Variants in CTNNA2 observed in about 807,000 individuals in gnomAD.
CTNNA2 encodes the protein catenin alpha 2, also known as catenin alpha-2.
In CTNNA2, 42 loss-of-function variants were observed where a neutral mutation model predicts 101.0. That is an observed-to-expected ratio of 0.42 (90% CI 0.32 to 0.54). CTNNA2 has a LOEUF of 0.54. CTNNA2 is among the 20% of genes least tolerant of loss of function. The pLI is 0.14. For synonymous variants in CTNNA2, 450 were observed against 456.4 expected, an observed-to-expected ratio of 0.99 and a Z score of 0.18; for missense variants, 871 against 1,223.1, an observed-to-expected ratio of 0.71 and a Z score of 4.29.
At chr2:80,380,305 G>C (rs906102190) in intron 7 of CTNNA2, among the ~76,000 whole-genome samples, 5 of 152,044 alleles carry the variant, frequency 3.3e-5, no homozygotes, top group African/African-American at 1.2e-4. Context: ...CAAAGTGCTG[G>C]GATTACAGGC....
At chr2:79,263,703 G>C (rs1392994712) in intron 2 of CTNNA2, among the ~76,000 whole-genome samples, 1 of 152,092 alleles carries the variant, frequency 6.6e-6, no homozygotes, top group African/African-American at 2.4e-5. Context: ...ATTACCACAA[G>C]AGTGGGAGTA....
Position 79,973,242 on chromosome 2 carries a change from A to G in CTNNA2, c.1056+63445A>G, listed in dbSNP as rs570696450. ...TTTTTCCCTATTCTAATCAAAATCA[A>G]TGGCTGATGTTAGCACGTTTTTCAT... On this transcript the variant is annotated intron_variant, in intron 7 of 18. Transcript: ENST00000402739. Among the ~76,000 whole-genome samples the G allele has an allele frequency of 3.9e-5, 6 of 152,248 alleles. No individual in the cohort carries two copies. In the East Asian group the frequency reaches 9.7e-4, roughly 25 times the overall value.
intron 1 of CTNNA2, among the ~76,000 whole-genome samples, chr2:79,586,160 G>A (rs1179131201): frequency 2.0e-5 from 3 of 152,096 alleles, no homozygotes; most frequent in African/African-American, 4.8e-5. Flanking sequence ...TGCACCGGGT[G>A]CTGAACACTC....
At chr2:79,396,558 C>G (rs1420713237) in intron 4 of CTNNA2, among the ~76,000 whole-genome samples, 1 of 152,154 alleles carries the variant, frequency 6.6e-6, no homozygotes, top group Non-Finnish European at 1.5e-5. Context: ...TTAGGTTCGA[C>G]TGTCTTCCAA....
intron 16 of CTNNA2, among the ~76,000 whole-genome samples, chr2:80,606,143 G>A (rs901118729): frequency 1.3e-5 from 2 of 151,790 alleles, no homozygotes; most frequent in African/African-American, 4.8e-5. Context: ...CCACCAATTT[G>A]TTAGGAAGGA....
intron 6 of CTNNA2, among the ~76,000 whole-genome samples, chr2:79,897,418 A>G (rs1684794445): frequency 6.6e-6 from 1 of 152,160 alleles, no homozygotes; most frequent in Non-Finnish European, 1.5e-5. Context: ...TGGACTGACC[A>G]TGGAAATATA....
chr2:79,414,052 G>A (rs1678449732), intron 4 of CTNNA2, among the ~76,000 whole-genome samples: 1 of 149,874 alleles, frequency 6.7e-6, no homozygotes. Context: ...TTTTTTTAGA[G>A]TTGATAACAT....
chr2:79,243,974 G>C (rs1674666249), intron 2 of CTNNA2, among the ~76,000 whole-genome samples: 1 of 152,078 alleles, frequency 6.6e-6, no homozygotes, highest in East Asian at 1.9e-4. Flanking sequence ...TTTTCAGAAA[G>C]CAGGGTCTGA....
At chr2:80,275,540 T>C (rs927916670) in intron 7 of CTNNA2, among the ~76,000 whole-genome samples, 2 of 152,278 alleles carry the variant, frequency 1.3e-5, no homozygotes, top group Admixed American at 6.5e-5. Flanking sequence ...AGAATCCTTC[T>C]GGTAGTCACT....
At chr2:80,155,746 T>C (rs188172695) in intron 7 of CTNNA2, among the ~76,000 whole-genome samples, 1 of 152,306 alleles carries the variant, frequency 6.6e-6, no homozygotes, top group East Asian at 1.9e-4. Flanking sequence ...TGTGTTCCCT[T>C]GGGCTATTTT....
chr2:79,993,511 A>G (rs996427064), intron 7 of CTNNA2, among the ~76,000 whole-genome samples: 4 of 152,242 alleles, frequency 2.6e-5, no homozygotes, highest in African/African-American at 9.6e-5. Flanking sequence ...ATACAGTCAC[A>G]TGAAGAAGTG....
chr2:79,877,727 T>C (rs1370247049), intron 6 of CTNNA2, among the ~76,000 whole-genome samples: 4 of 152,194 alleles, frequency 2.6e-5, no homozygotes, highest in Non-Finnish European at 5.9e-5. Context: ...AATACCTTTC[T>C]CATATAGTGA....
chr2:80,050,018 C>G (rs1223416012), intron 7 of CTNNA2, among the ~76,000 whole-genome samples: 1 of 152,098 alleles, frequency 6.6e-6, no homozygotes, highest in African/African-American at 2.4e-5. Flanking sequence ...CGTGCCCTCT[C>G]CTTCCTCTTC....
chr2:79,771,246 G>GTGGTTC (rs1673551777), intron 3 of CTNNA2, among the ~76,000 whole-genome samples: 1 of 152,148 alleles, frequency 6.6e-6, no homozygotes, highest in Non-Finnish European at 1.5e-5. Flanking sequence ...TCATTAAGCT[G>GTGGTTC]ATAGTCGAAC....
intron 6 of CTNNA2, among the ~76,000 whole-genome samples, chr2:79,877,852 A>C (rs540034132): frequency 1.3e-5 from 2 of 152,220 alleles, no homozygotes; most frequent in African/African-American, 4.8e-5. Flanking sequence ...TTTTTTAAAA[A>C]TTTTACTTTA....
rs1572982392 is a variant in CTNNA2, at chr2:79,214,816, AG to A, written c.-406+16741del. ...TAAGGGAACTGGGCAGGTGGGGATA[AG>A]TAAAAAAGAGTGCATAAAAGTATTG... On this transcript the variant is annotated intron_variant, in intron 2 of 21. Coordinates refer to the CTNNA2 transcript ENST00000466387. 2.0e-5 allele frequency among the ~76,000 whole-genome samples: 3 copies of A among 151,840 alleles called. No homozygotes were observed. In the East Asian group the frequency reaches 6.0e-4, roughly 30 times the overall value.
intron 7 of CTNNA2, among the ~76,000 whole-genome samples, chr2:80,248,197 TG>T (rs1671483094): frequency 6.6e-6 from 1 of 152,158 alleles, no homozygotes; most frequent in Admixed American, 6.5e-5. Context: ...CTTTTATGCC[TG>T]GCCTACTGAG....
At position 79,845,730 on chromosome 2, in the gene CTNNA2, G is replaced by T. The variant is rs76458718; in HGVS notation, c.299-12283G>T. ...CACATTTTGGCAGTTTGTCATATTG[G>T]ATTTAGGGTTTTTAGTTACCTTAAA... On this transcript the variant is annotated intron_variant, in intron 3 of 18. Coordinates refer to ENST00000402739, the MANE Select transcript of CTNNA2 (RefSeq NM_001282597.3). 5.6e-3 allele frequency among the ~76,000 whole-genome samples: 846 copies of T among 152,256 alleles called. 7 individuals carry two copies. Among genetic ancestry groups the T allele is most frequent in the African/African-American group, 0.019 (808 of 41,556 alleles).
At chr2:80,002,993 T>A (rs1693066261) in intron 7 of CTNNA2, among the ~76,000 whole-genome samples, 2 of 152,136 alleles carry the variant, frequency 1.3e-5, no homozygotes, top group African/African-American at 4.8e-5. Context: ...TATTTTCACA[T>A]CTGTAAGACA....
Sources: gnomAD v4.1 joint callset for allele counts (sites outside exome capture counted in the v4.1 genomes callset) on GRCh38, gnomAD v4.1.1 for gene constraint, MANE v1.5 for transcripts, NCBI Gene and HGNC (gene_info 2026-07-23, HGNC 2026-07-21) for gene names.